Variants in ARHGEF28 observed in about 807,000 individuals in gnomAD.
ARHGEF28 encodes the protein 190 kDa guanine nucleotide exchange factor.
ARHGEF28 carries 152 observed loss-of-function variants against 206.6 expected under a neutral mutation model. The ratio of observed to expected loss-of-function variants is 0.74; its 90% CI spans 0.64 to 0.84. The LOEUF (loss-of-function observed/expected upper bound fraction) is 0.84, where lower values mean the gene tolerates loss of function less well. ARHGEF28 is among the 40% of genes least tolerant of loss of function. The probability of loss-of-function intolerance (pLI) is 0.00; values close to 1 mark genes in which losing one functional copy is unlikely to be tolerated. For synonymous variants in ARHGEF28, 763 were observed against 776.4 expected (o/e 0.98, Z 0.29); for missense variants, 2,028 against 2,073.2 (o/e 0.98, Z 0.42).
At chr5:73,637,344 AT>A (rs991824184) in intron 1 of ARHGEF28, among the ~76,000 whole-genome samples, 3 of 151,938 alleles carry the variant, frequency 2.0e-5, no homozygotes, top group Non-Finnish European at 4.4e-5. Context: ...AAACTTAGGG[AT>A]TTTCCTTCTG....
chr5:73,802,496 T>C (rs759525943), intron 9 of ARHGEF28, among the ~76,000 whole-genome samples: 6 of 152,152 alleles, frequency 3.9e-5, no homozygotes, highest in Non-Finnish European at 7.3e-5. Flanking sequence ...GAACTCTAAA[T>C]TTTCCTTCTC....
chr5:73,676,221 C>G (rs1017875734), intron 1 of ARHGEF28, among the ~76,000 whole-genome samples: 1 of 150,832 alleles, frequency 6.6e-6, no homozygotes, highest in Non-Finnish European at 1.5e-5. Flanking sequence ...CAGGCCCCCA[C>G]CACCACACCC....
intron 2 of ARHGEF28, among the ~76,000 whole-genome samples, chr5:73,724,654 A>C (rs1750170785): frequency 6.6e-6 from 1 of 152,202 alleles, no homozygotes; most frequent in African/African-American, 2.4e-5. Flanking sequence ...TTGGAATCCT[A>C]TGTTATGTAG....
intron 1 of ARHGEF28, among the ~76,000 whole-genome samples, chr5:73,651,203 A>G (rs1744806015): frequency 6.6e-6 from 1 of 152,182 alleles, no homozygotes; most frequent in Non-Finnish European, 1.5e-5. Context: ...GGTGTGGTCC[A>G]GGTCATGAGC....
intron 9 of ARHGEF28, among the ~76,000 whole-genome samples, chr5:73,800,615 C>T (rs1341819698): frequency 6.6e-6 from 1 of 151,542 alleles, no homozygotes; most frequent in African/African-American, 2.4e-5. Context: ...GGAAGGAAAC[C>T]CAACTTCATA....
chr5:73,782,087 A>T (rs903088851), intron 7 of ARHGEF28, among the ~76,000 whole-genome samples: 1 of 149,070 alleles, frequency 6.7e-6, no homozygotes, highest in Non-Finnish European at 1.5e-5. Context: ...GATTCTAGGT[A>T]TTTGTCAGAT....
rs1257814080 is a variant in ARHGEF28 at position 73,660,088 on chromosome 5, A to C, written c.-11-24753A>C. 2.0e-5 allele frequency among the ~76,000 whole-genome samples: 3 copies of C among 152,196 alleles called. No homozygotes were observed. In the South Asian group the frequency reaches 6.2e-4, roughly 32 times the overall value. ...TGCTGTTTGAAATAGCATTTTATTC[A>C]TGGTAATACTTCTTTCAAATCTGGA... On this transcript the variant is annotated intron_variant, in intron 1 of 35. Transcript: ENST00000513042.
At chr5:73,925,656 A>G (rs1332123462) in intron 35 of ARHGEF28, among the ~76,000 whole-genome samples, 1 of 152,176 alleles carries the variant, frequency 6.6e-6, no homozygotes, top group South Asian at 2.1e-4. Context: ...CTCCTCTGCA[A>G]TCCATCACCA....
intron 35 of ARHGEF28, among the ~76,000 whole-genome samples, chr5:73,938,978 G>C (rs1230875627): frequency 1.4e-5 from 2 of 145,046 alleles, no homozygotes; most frequent in African/African-American, 2.6e-5. Context: ...TTTGGCAAGT[G>C]ACTCTTCAAA....
intron 4 of ARHGEF28, among the ~76,000 whole-genome samples, chr5:73,769,892 A>G (rs936949972): frequency 6.6e-6 from 1 of 152,328 alleles, no homozygotes; most frequent in South Asian, 2.1e-4. Flanking sequence ...TATTTCCCAT[A>G]TATTCCCTGC....
chr5:73,818,239 A>G (rs1258099381), intron 9 of ARHGEF28, among the ~76,000 whole-genome samples: 1 of 152,168 alleles, frequency 6.6e-6, no homozygotes, highest in Non-Finnish European at 1.5e-5. Context: ...GGACTATTTC[A>G]TGAGCTCATT....
rs1020405376 is a variant in ARHGEF28 at position 73,868,183 on chromosome 5, A to G, written c.2381A>G (p.Gln794Arg). The G allele has an allele frequency of 7.5e-6, 12 of 1,600,046 alleles. No homozygotes were observed. In the South Asian group the frequency reaches 1.4e-4, roughly 18 times the overall value. The change falls in exon 20 of 36, where the codon CAG (glutamine) becomes CGG (arginine). Residue 794 changes from glutamine (Q) to arginine (R), a missense_variant. Physicochemically the swap from Gln to Arg is conservative, Grantham distance 43. Coordinates refer to ENST00000513042, the MANE Select transcript of ARHGEF28 (RefSeq NM_001177693.2). The part of the protein sequence containing the change: ...RSRSHSDELL[Q>R]SMGSSPSTES... ...AGGTCTCATTCTGATGAGCTGCTAC[A>G]GTCCATGGGCTCTTCTCCCTCTACA...
intron 30 of ARHGEF28, chr5:73,900,498 C>T (rs920850668): frequency 2.6e-5 from 4 of 152,094 alleles, no homozygotes; most frequent in African/African-American, 7.2e-5. Flanking sequence ...AAAAATATTT[C>T]GGGACTAGTT....
At chr5:73,779,561 G>C (rs965325117) in intron 6 of ARHGEF28, among the ~76,000 whole-genome samples, 1 of 150,108 alleles carries the variant, frequency 6.7e-6, no homozygotes, top group African/African-American at 2.4e-5. Context: ...TGAAAGACGG[G>C]GGGTCAGGGC....
chr5:73,930,392 C>T (rs1764041786), intron 35 of ARHGEF28, among the ~76,000 whole-genome samples: 1 of 152,170 alleles, frequency 6.6e-6, no homozygotes, highest in East Asian at 1.9e-4. Context: ...GTTCCTCCTT[C>T]TGTGAATTTC....
At chr5:73,764,966 T>G (rs1318686655) in intron 4 of ARHGEF28, among the ~76,000 whole-genome samples, 1 of 152,262 alleles carries the variant, frequency 6.6e-6, no homozygotes, top group African/African-American at 2.4e-5. Context: ...AAATTCTCTC[T>G]TCTACTCTCT....
chr5:73,748,754 C>T (rs2112393874), intron 2 of ARHGEF28, among the ~76,000 whole-genome samples: 1 of 152,234 alleles, frequency 6.6e-6, no homozygotes, highest in African/African-American at 2.4e-5. Flanking sequence ...CTTTCCACCT[C>T]CAGGTTTCCA....
intron 1 of ARHGEF28, among the ~76,000 whole-genome samples, chr5:73,653,338 A>G (rs1243258205): frequency 6.6e-6 from 1 of 152,182 alleles, no homozygotes; most frequent in African/African-American, 2.4e-5. Flanking sequence ...TGAATATTAC[A>G]CCGTATTTTA....
At position 73,790,959 on chromosome 5, in the gene ARHGEF28, G is replaced by T. The variant is rs374104989; in HGVS notation, c.911-3443G>T. Reference sequence around the variant, plus strand: ...AGGGTGGGAGGAAGTAAGGAGAAAAGGATTCATCTGTCTATGAATCTGGCA... The same window carrying T: ...AGGGTGGGAGGAAGTAAGGAGAAAATGATTCATCTGTCTATGAATCTGGCA... On this transcript the variant is annotated intron_variant, in intron 7 of 35. Coordinates refer to ENST00000513042, the MANE Select transcript of ARHGEF28 (RefSeq NM_001177693.2). Among the ~76,000 whole-genome samples the T allele has an allele frequency of 8.5e-5, 13 of 152,312 alleles. No individual in the cohort carries two copies. The East Asian group carries it at 1.2e-3, about 14-fold the overall frequency.
Sources: gnomAD v4.1 joint callset for allele counts (sites outside exome capture counted in the v4.1 genomes callset) on GRCh38, gnomAD v4.1.1 for gene constraint, MANE v1.5 for transcripts, NCBI Gene and HGNC (gene_info 2026-07-23, HGNC 2026-07-21) for gene names.